The following FMNL2 variants were observed in gnomAD, a reference collection of about 807,000 sequenced individuals.
The protein encoded by FMNL2 is formin-like protein 2.
In FMNL2, 51 loss-of-function variants were observed where a neutral mutation model predicts 130.2. The ratio of observed to expected loss-of-function variants is 0.39; its 90% confidence interval spans 0.31 to 0.49. FMNL2 has a LOEUF of 0.49. FMNL2 is among the 20% of genes least tolerant of loss of function. The pLI is 0.85. For missense variants in FMNL2, 977 were observed against 1,316.2 expected (o/e 0.74, Z 3.99); for synonymous variants, 465 against 467.1 (o/e 1.00, Z 0.06).
intron 1 of FMNL2, among the ~76,000 whole-genome samples, chr2:152,503,461 G>A (rs1012541652): frequency 6.6e-6 from 1 of 152,144 alleles, no homozygotes; most frequent in African/African-American, 2.4e-5. Context: ...GACATAGAGG[G>A]TGGGGAATTC....
chr2:152,350,140 G>A (rs549589974), intron 1 of FMNL2, among the ~76,000 whole-genome samples: 13 of 152,214 alleles, frequency 8.5e-5, no homozygotes, highest in Non-Finnish European at 1.9e-4. Flanking sequence ...GATAAGGTCT[G>A]AGTGAGGAGG....
At chr2:152,601,455 G>A (rs1249578696) in intron 9 of FMNL2, among the ~76,000 whole-genome samples, 3 of 147,758 alleles carry the variant, frequency 2.0e-5, no homozygotes, top group Non-Finnish European at 4.5e-5. Context: ...CGCCTGCCAC[G>A]ACGCCCAGCT....
intron 4 of FMNL2, among the ~76,000 whole-genome samples, chr2:152,550,609 A>G (rs1186850232): frequency 1.3e-5 from 2 of 152,220 alleles, no homozygotes; most frequent in East Asian, 3.8e-4. Context: ...GTTTCCCTGA[A>G]AGTAAATAAG....
At position 152,464,210 on chromosome 2, in the gene FMNL2, C is replaced by T. The variant is rs563643858; in HGVS notation, c.118-57733C>T. Among the ~76,000 whole-genome samples the T allele has an allele frequency of 3.9e-5, 6 of 152,294 alleles. No individual in the cohort carries two copies. In the East Asian group the frequency reaches 1.2e-3, roughly 29 times the overall value. On this transcript the variant is annotated intron_variant, in intron 1 of 25. Coordinates refer to ENST00000288670, the MANE Select transcript of FMNL2 (RefSeq NM_052905.4). ...CCGCCGACCTTGGCCTCCCAAAGTG[C>T]TGGGATTACAGGTGTGAGCCCCCGC...
At position 152,649,404 on chromosome 2, in the gene FMNL2, T is replaced by A. The variant is rs1324789160; in HGVS notation, c.*1499T>A. The stretch of plus-strand genomic sequence containing the variant: ...TTTTTTTAATATATATATTTAACTA[T>A]AAGGACAGTTTAGGGAACAAGTTAC... On this transcript the variant is annotated 3_prime_UTR_variant, in exon 26 of 26. Transcript: ENST00000288670. 3 of 152,520 alleles carry A rather than the reference T, an allele frequency of 2.0e-5. No individual in the cohort carries two copies. Among genetic ancestry groups the A allele is most frequent in the African/African-American group, 7.2e-5 (3 of 41,438 alleles). 9.4% of individuals were successfully genotyped at this position (152,520 alleles called of 1,614,324 possible).
At chr2:152,494,807 G>A (rs963728183) in intron 1 of FMNL2, among the ~76,000 whole-genome samples, 2 of 152,166 alleles carry the variant, frequency 1.3e-5, no homozygotes, top group African/African-American at 4.8e-5. Flanking sequence ...AGCCTGTTTA[G>A]AAGAAGTGAC....
chr2:152,491,269 A>G (rs192085519), intron 1 of FMNL2, among the ~76,000 whole-genome samples: 410 of 152,314 alleles, frequency 2.7e-3, no homozygotes, highest in Non-Finnish European at 3.5e-3. Flanking sequence ...ACTGGCCACT[A>G]TCTGAGGAGT....
chr2:152,477,755 C>T (rs184787559), intron 1 of FMNL2, among the ~76,000 whole-genome samples: 73 of 152,066 alleles, frequency 4.8e-4, no homozygotes, highest in Middle Eastern at 3.4e-3. Context: ...TGGACAATAA[C>T]GATAGAAAAG....
intron 7 of FMNL2, among the ~76,000 whole-genome samples, chr2:152,575,896 G>A (rs1026156800): frequency 9.9e-5 from 15 of 152,136 alleles, no homozygotes; most frequent in Non-Finnish European, 2.9e-5. Flanking sequence ...CCTCCTTTGG[G>A]TAATTGAGAT....
At chr2:152,430,974 T>TA (rs1249457692) in intron 1 of FMNL2, among the ~76,000 whole-genome samples, 1 of 152,130 alleles carries the variant, frequency 6.6e-6, no homozygotes, top group East Asian at 1.9e-4. Flanking sequence ...AGTGGACCAT[T>TA]AAAAAATGTA....
intron 1 of FMNL2, among the ~76,000 whole-genome samples, chr2:152,343,591 CG>C (rs1553863407): frequency 8.5e-5 from 13 of 152,132 alleles, no homozygotes; most frequent in Admixed American, 3.3e-4. Flanking sequence ...CCACCACACC[CG>C]GCTTAAATAG....
intron 9 of FMNL2, among the ~76,000 whole-genome samples, chr2:152,590,285 T>A (rs1321127215): frequency 6.6e-6 from 1 of 151,980 alleles, no homozygotes; most frequent in Non-Finnish European, 1.5e-5. Flanking sequence ...TTAGCAGTTA[T>A]TTAGTCCAGT....
chr2:152,546,084 C>T (rs1384263423), intron 3 of FMNL2, among the ~76,000 whole-genome samples: 1 of 152,104 alleles, frequency 6.6e-6, no homozygotes. Flanking sequence ...CTCTTTTATA[C>T]TCTGCTATGT....
chr2:152,640,141 G>A (rs1203128746), intron 24 of FMNL2, 85 bp downstream of exon 24: 3 of 1,191,062 alleles, frequency 2.5e-6, no homozygotes, highest in Non-Finnish European at 3.5e-6. Context: ...GGACCAGCAA[G>A]CCAGGTGTGC....
At chr2:152,482,765 T>C (rs1187937676) in intron 1 of FMNL2, among the ~76,000 whole-genome samples, 1 of 152,222 alleles carries the variant, frequency 6.6e-6, no homozygotes, top group Non-Finnish European at 1.5e-5. Context: ...ATTCTGTAAA[T>C]GTTAGCTGCT....
intron 1 of FMNL2, among the ~76,000 whole-genome samples, chr2:152,445,557 A>G (rs1688285403): frequency 6.6e-6 from 1 of 152,204 alleles, no homozygotes; most frequent in South Asian, 2.1e-4. Flanking sequence ...TAATAGTCAC[A>G]GGTGGTTAGA....
intron 25 of FMNL2, among the ~76,000 whole-genome samples, chr2:152,643,100 T>C (rs1683238290): frequency 1.3e-5 from 2 of 152,224 alleles, no homozygotes; most frequent in Admixed American, 1.3e-4. Flanking sequence ...CCTGGCGTTA[T>C]AAAATGAATG....
chr2:152,575,720 T>A (rs1696438175), intron 7 of FMNL2, among the ~76,000 whole-genome samples: 1 of 152,220 alleles, frequency 6.6e-6, no homozygotes, highest in African/African-American at 2.4e-5. Context: ...TAAGCTGCTG[T>A]TGCAGGTAGT....
chr2:152,392,721 A>C (rs754981123), intron 1 of FMNL2, among the ~76,000 whole-genome samples: 6 of 152,084 alleles, frequency 3.9e-5, no homozygotes, highest in African/African-American at 7.2e-5. Context: ...GCAACACCTA[A>C]ATTTTGGAAG....
Sources: allele counts gnomAD v4.1 joint callset (sites outside exome capture counted in the v4.1 genomes callset), GRCh38; gene constraint gnomAD v4.1.1; transcripts MANE v1.5; gene names NCBI Gene and HGNC (gene_info 2026-07-23, HGNC 2026-07-21).